The following SEMA4G variants were observed in gnomAD, a reference collection of about 807,000 sequenced individuals.
The protein encoded by SEMA4G is semaphorin 4G.
In SEMA4G, 59 loss-of-function variants were observed where a neutral mutation model predicts 81.2. The observed-to-expected ratio is 0.73, with a 90% CI of 0.59 to 0.90. The LOEUF (loss-of-function observed/expected upper bound fraction) is 0.90. Among genes scored for constraint, SEMA4G ranks in the 40% least tolerant of loss-of-function variants. The pLI is 0.00. For missense variants in SEMA4G, 952 were observed against 1,102.3 expected, an observed-to-expected ratio of 0.86 and a Z score of 1.93; for synonymous variants, 404 against 433.9, an observed-to-expected ratio of 0.93 and a Z score of 0.86.
At chr10:100,979,476 G>C (rs747331412) in intron 8 of SEMA4G, 1 of 1,351,550 alleles carries the variant, frequency 7.4e-7, no homozygotes, top group African/African-American at 1.5e-5. Context: ...TCCGCCTCCC[G>C]GGTTCAAGTG....
intron 13 of SEMA4G, 148 bp downstream of exon 14, chr10:100,981,377 A>T: frequency 6.2e-7 from 1 of 1,610,270 alleles, no homozygotes; most frequent in South Asian, 1.1e-5. Context: ...GGCACAGAGT[A>T]AGTGCTCAAC....
chr10:100,970,368 A>G (rs1045479211), upstream of SEMA4G, among the ~76,000 whole-genome samples: 1 of 151,852 alleles, frequency 6.6e-6, no homozygotes, highest in Non-Finnish European at 1.5e-5. Flanking sequence ...TCCCACCTTT[A>G]GAACCGCAAT....
intron 3 of SEMA4G, among the ~76,000 whole-genome samples, chr10:100,974,238 G>A (rs775917321): frequency 6.6e-6 from 1 of 151,984 alleles, no homozygotes; most frequent in Non-Finnish European, 1.5e-5. Flanking sequence ...GCTGAGGGTA[G>A]GAGGACAACT....
At position 100,973,002 on chromosome 10, in the gene SEMA4G, A is replaced by G. The variant is rs532192623; in HGVS notation, c.90A>G (p.Leu30=). 1.5e-5 allele frequency: 24 copies of G among 1,614,124 alleles called. No homozygotes were observed. The highest frequency in any genetic ancestry group is 8.3e-5 in the Admixed American group (5 of 60,018). Residue 30 remains leucine (L), a synonymous_variant, in exon 1 of 14, where the codon CTA becomes CTG. Coordinates refer to ENST00000370250, the Ensembl canonical transcript of SEMA4G. This position sits in a 1 kb window ranked among gnomAD's most constrained non-coding sequence, Gnocchi z 5.5. ...CACTGCGGAGACCGTCTAGAGAACT[A>G]GATGCCACCCCTCGGATGACCATAC...
rs1850698086 is a variant in SEMA4G, at chr10:100,973,714, A to C, written c.336+105A>C. ...ATGGGTAGGTACAGACCTGCCAGTC[A>C]ATCTCAGCAACCACAGTAAACATTG... is the stretch of plus-strand genomic sequence containing the variant. On this transcript the variant is annotated intron_variant, in intron 3 of 13. Coordinates refer to ENST00000370250, the Ensembl canonical transcript of SEMA4G. This position sits in a 1 kb window ranked among gnomAD's most constrained non-coding sequence, Gnocchi z 5.5. 4 of 965,624 alleles carry C rather than the reference A, an allele frequency of 4.1e-6. No individual in the cohort carries two copies. The highest frequency in any genetic ancestry group is 4.7e-6 in the Non-Finnish European group (3 of 632,804). The allele number at this position is 965,624 out of a possible 1,614,324, so 59.8% of individuals were successfully genotyped here. A position where few individuals can be genotyped will look rare whatever the true frequency, so the allele number is the denominator to read the frequency against.
chr10:100,977,682 C>T (rs921297403), exon 4 of SEMA4G: 11 of 1,614,034 alleles, frequency 6.8e-6, no homozygotes, highest in African/African-American at 2.7e-5. Flanking sequence ...ATTCTACCCA[C>T]CTCTATGCAT....
Position 100,973,075 on chromosome 10 carries a change from C to A in SEMA4G, c.124+39C>A, listed in dbSNP as rs775102620. 24 of 1,614,058 alleles carry A rather than the reference C, an allele frequency of 1.5e-5. No homozygotes were observed. Among genetic ancestry groups the A allele is most frequent in the Non-Finnish European group, 1.9e-5 (22 of 1,180,034 alleles). ...CCTCAAAAGGCAGCAGAAGCCAGGG[C>A]TGGGGGTGGGGAGGCACCCCAGAAC... On this transcript the variant is annotated intron_variant, in intron 1 of 13. Transcript: ENST00000370250. The surrounding 1 kb of genome is among the most constrained non-coding windows in gnomAD (Gnocchi z 5.5).
chr10:100,980,997 G>A (rs752779759), intron 12 of SEMA4G: 7 of 1,592,968 alleles, frequency 4.4e-6, no homozygotes, highest in Non-Finnish European at 6.0e-6. Context: ...CAGGGAAGCA[G>A]GTGGGAAGTG....
At position 100,978,526 on chromosome 10, in the gene SEMA4G, G is replaced by C. The variant is rs776876845; in HGVS notation, c.530-1G>C. ...TCATGCCTGGAATATCCCCACGCCA[G>C]ATGGAGGCCTCTACACAGCCACTAG... On this transcript the variant is annotated splice_acceptor_variant, in intron 5 of 13. Coordinates refer to ENST00000370250, the Ensembl canonical transcript of SEMA4G. LOFTEE classifies it high-confidence loss of function. 3.0e-5 allele frequency: 48 copies of C among 1,613,756 alleles called. No individual in the cohort carries two copies. Among genetic ancestry groups the C allele is most frequent in the Non-Finnish European group, 4.0e-5 (47 of 1,179,838 alleles).
In SEMA4G at chr10:100,973,053, C is replaced by T. The variant is rs1338980700; in HGVS notation, c.124+17C>T. On this transcript the variant is annotated intron_variant, in intron 1 of 13. Transcript: ENST00000370250. The surrounding 1 kb of genome is among the most constrained non-coding windows in gnomAD (Gnocchi z 5.5). ...CCTATGAAGGTTAGACCCTCAACCT[C>T]AAAAGGCAGCAGAAGCCAGGGCTGG... is the stretch of plus-strand genomic sequence containing the variant. 2 of 1,614,132 alleles carry T rather than the reference C, an allele frequency of 1.2e-6. No individual in the cohort carries two copies. The highest frequency in any genetic ancestry group is 1.7e-6 in the Non-Finnish European group (2 of 1,180,006).
At chr10:100,983,720 G>A in exon 14 of SEMA4G, 1 of 1,613,560 alleles carries the variant, frequency 6.2e-7, no homozygotes, top group Non-Finnish European at 8.5e-7. Context: ...CCTGTCTGCG[G>A]GAAGGCAGAC....
downstream of SEMA4G, chr10:100,984,937 A>AAC: frequency 7.0e-7 from 1 of 1,436,688 alleles, no homozygotes; most frequent in South Asian, 1.5e-5. Context: ...CACATGTGGT[A>AAC]ACACACACCT....
exon 14 of SEMA4G, chr10:100,984,483 C>T: frequency 6.5e-7 from 1 of 1,531,738 alleles, no homozygotes; most frequent in Non-Finnish European, 8.7e-7. Context: ...CTTTCTCTTT[C>T]TCCCAGGCAG....
At chr10:100,978,229 TCTGA>T (rs1850885832) in intron 4 of SEMA4G, 62 bp from the exon 6 acceptor site, 4 of 1,207,916 alleles carry the variant, frequency 3.3e-6, no homozygotes, top group South Asian at 1.3e-5. Flanking sequence ...CCCAGACTGA[TCTGA>T]CTTTGAGCCA....
exon 14 of SEMA4G, chr10:100,984,084 A>C (rs1177109703): frequency 6.2e-7 from 1 of 1,613,476 alleles, no homozygotes; most frequent in Non-Finnish European, 8.5e-7. Context: ...CCTGGAAAAA[A>C]GGAAGCACAC....
Position 100,973,162 on chromosome 10 carries a change from C to T in SEMA4G, c.158C>T (p.Ala53Val), listed in dbSNP as rs755205395. ...GGGACCCGGCACTTCAAGGGCCAAG[C>T]CCAGAACTACTCAACACTGCTGCTG... Residue 53 changes from alanine to valine, a missense_variant, in exon 2 of 14, where the codon GCC becomes GTC. By Grantham distance (64) the Ala-to-Val change is moderately conservative. This residue lies in a region of SEMA4G where 436 missense variants were observed against 488.2 expected (regional missense o/e 0.89). Coordinates refer to ENST00000370250, the Ensembl canonical transcript of SEMA4G. This position sits in a 1 kb window ranked among gnomAD's most constrained non-coding sequence, Gnocchi z 5.5. 1 of 1,613,840 alleles carries T rather than the reference C, an allele frequency of 6.2e-7. No homozygotes were observed. The highest frequency in any genetic ancestry group is 8.5e-7 in the Non-Finnish European group (1 of 1,180,042).
chr10:100,979,329 GAGGTCAATGAGGATGAGAT>G, intron 8 of SEMA4G, 58 bp downstream of exon 9: 1 of 1,614,038 alleles, frequency 6.2e-7, no homozygotes, highest in Non-Finnish European at 8.5e-7. Context: ...GGCTGGAGCA[GAGGTCAATGAGGATGAGAT>G]AGGATCCACT....
At chr10:100,980,200 T>C (rs753167511) in exon 10 of SEMA4G, 5 of 1,614,114 alleles carry the variant, frequency 3.1e-6, no homozygotes, top group Non-Finnish European at 4.2e-6. Flanking sequence ...CTTTGTAAAG[T>C]TGCACCCACT....
rs182022438 is a variant in SEMA4G, at chr10:100,975,629, G to A, written c.337-2003G>A. 4.3e-4 allele frequency among the ~76,000 whole-genome samples: 65 copies of A among 152,300 alleles called. No individual in the cohort carries two copies. The East Asian group carries it at 0.01, about 24-fold the overall frequency. Reference sequence around the variant, plus strand: ...TCCCAGCACCTTGGGAGGCCGAGGCGGGTGGATCATGAGGTCAAGAGATCG... The same window carrying A: ...TCCCAGCACCTTGGGAGGCCGAGGCAGGTGGATCATGAGGTCAAGAGATCG... On this transcript the variant is annotated intron_variant, in intron 3 of 13. Coordinates refer to ENST00000370250, the Ensembl canonical transcript of SEMA4G.
Sources: gnomAD v4.1 joint callset for allele counts (sites outside exome capture counted in the v4.1 genomes callset) on GRCh38, gnomAD v4.1.1 for gene constraint, gnomAD v4.1.1 regional missense constraint, Gnocchi (gnomAD v3.1) non-coding constraint, MANE v1.5 for transcripts, NCBI Gene and HGNC (gene_info 2026-07-23, HGNC 2026-07-21) for gene names.